The following NTRK2 variants were observed in gnomAD, a reference collection of about 807,000 sequenced individuals.
NTRK2 encodes BDNF/NT-3 growth factors receptor.
In NTRK2, 13 loss-of-function variants were observed where a neutral mutation model predicts 94.5. The ratio of observed to expected loss-of-function variants is 0.14; its 90% CI spans 0.09 to 0.22. The LOEUF is 0.22. NTRK2 is among the 10% of genes least tolerant of loss of function. NTRK2 has a pLI of 1.00. For missense variants in NTRK2, 639 were observed against 1,071.2 expected (o/e 0.60, Z 5.63); for synonymous variants, 372 against 407.4 (o/e 0.91, Z 1.05).
chr9:84,804,608 G>C (rs2070887652), intron 12 of NTRK2, among the ~76,000 whole-genome samples: 1 of 152,144 alleles, frequency 6.6e-6, no homozygotes. Flanking sequence ...CAGCACTCTG[G>C]CTTCATATAC....
intron 12 of NTRK2, among the ~76,000 whole-genome samples, chr9:84,809,377 G>A (rs1258763204): frequency 1.3e-5 from 2 of 148,884 alleles, no homozygotes; most frequent in Non-Finnish European, 3.0e-5. Flanking sequence ...ATTACTTAAT[G>A]TTAGATATTA....
At chr9:84,936,937 A>G (rs959703482) in intron 15 of NTRK2, among the ~76,000 whole-genome samples, 10 of 151,844 alleles carry the variant, frequency 6.6e-5, no homozygotes, top group African/African-American at 1.2e-4. Context: ...GTTTATTTCA[A>G]CTCTCTGGGA....
At chr9:84,691,743 C>T in intron 2 of NTRK2, among the ~76,000 whole-genome samples, 1 of 152,070 alleles carries the variant, frequency 6.6e-6, no homozygotes, top group East Asian at 1.9e-4. Flanking sequence ...GATTGAAATC[C>T]CAGAGTTCCA....
At chr9:84,981,542 T>G (rs1223340352) in intron 17 of NTRK2, among the ~76,000 whole-genome samples, 1 of 152,232 alleles carries the variant, frequency 6.6e-6, no homozygotes, top group Non-Finnish European at 1.5e-5. Context: ...TTTTTAATTT[T>G]GTTTTTGGAA....
chr9:84,752,853 A>G (rs951830517), intron 12 of NTRK2, among the ~76,000 whole-genome samples: 1 of 152,350 alleles, frequency 6.6e-6, no homozygotes, highest in East Asian at 1.9e-4. Context: ...GTGGTCTCCT[A>G]TAGATAGACA....
chr9:84,977,992 G>A (rs1307945516), intron 17 of NTRK2, among the ~76,000 whole-genome samples: 1 of 152,118 alleles, frequency 6.6e-6, no homozygotes, highest in East Asian at 1.9e-4. Flanking sequence ...CTTAATAATT[G>A]TGTGTGTATT....
intron 16 of NTRK2, 94 bp downstream of exon 16, chr9:84,948,728 C>A: frequency 8.9e-7 from 1 of 1,118,368 alleles, no homozygotes; most frequent in Non-Finnish European, 1.3e-6. Context: ...GACCCCTGGA[C>A]CTTTCTCGAA....
intron 12 of NTRK2, among the ~76,000 whole-genome samples, chr9:84,838,967 A>T (rs867465469): frequency 6.6e-6 from 1 of 152,066 alleles, no homozygotes; most frequent in African/African-American, 2.4e-5. Context: ...GAATGCCAAG[A>T]TGTGCACAAA....
intron 6 of NTRK2, among the ~76,000 whole-genome samples, chr9:84,714,562 G>A (rs964393402): frequency 6.6e-6 from 1 of 152,104 alleles, no homozygotes; most frequent in African/African-American, 2.4e-5. Context: ...TCTTTTGATG[G>A]TTTCCCAACT....
intron 12 of NTRK2, among the ~76,000 whole-genome samples, chr9:84,848,997 T>A (rs181115741): frequency 1.3e-5 from 2 of 152,358 alleles, no homozygotes; most frequent in East Asian, 3.9e-4. Context: ...CACACCTACA[T>A]ATGCTTTAGA....
intron 17 of NTRK2, among the ~76,000 whole-genome samples, chr9:84,982,818 T>C (rs1326553691): frequency 6.6e-6 from 1 of 152,198 alleles, no homozygotes; most frequent in Non-Finnish European, 1.5e-5. Flanking sequence ...TTCAAAGATA[T>C]GATATATCCC....
intron 14 of NTRK2, among the ~76,000 whole-genome samples, chr9:84,918,190 G>A (rs1014416171): frequency 1.3e-5 from 2 of 152,164 alleles, no homozygotes; most frequent in African/African-American, 4.8e-5. Context: ...TCACATAACA[G>A]GTGCTGGAAA....
chr9:85,020,195 T>C lies in NTRK2; in HGVS notation c.2173-11T>C, dbSNP rs201074050. The C allele has an allele frequency of 3.1e-6, 5 of 1,613,868 alleles. No individual in the cohort carries two copies. The highest frequency in any genetic ancestry group is 1.3e-5 in the African/African-American group (1 of 74,906). The stretch of plus-strand genomic sequence containing the variant: ...TGACTGATGCCTCCCTGTTGATCCC[T>C]TTCTCCCCAGGTCGGTGGCCACACA... On this transcript the variant is annotated splice_polypyrimidine_tract_variant and intron_variant, in intron 17 of 18. Transcript: ENST00000277120.
Position 84,948,560 on chromosome 9 carries a change from C to T in NTRK2, c.1863C>T (p.Gly621=), listed in dbSNP as rs771339882. 1.2e-5 allele frequency: 19 copies of T among 1,614,068 alleles called. No homozygotes were observed. The highest frequency in any genetic ancestry group is 2.2e-5 in the East Asian group (1 of 44,860). ...LQHEHIVKFY[G]VCVEGDPLIM... Reference sequence around the variant, plus strand: ...ATGAGCACATCGTCAAGTTCTATGGCGTCTGCGTGGAGGGCGACCCCCTCA... The same window carrying T: ...ATGAGCACATCGTCAAGTTCTATGGTGTCTGCGTGGAGGGCGACCCCCTCA... Residue 621 remains glycine (G), a synonymous_variant, in exon 16 of 19, where the codon GGC becomes GGT. Transcript: ENST00000277120.
At chr9:84,905,623 C>T (rs2077052216) in intron 14 of NTRK2, among the ~76,000 whole-genome samples, 2 of 152,096 alleles carry the variant, frequency 1.3e-5, no homozygotes, top group Non-Finnish European at 2.9e-5. Flanking sequence ...TGGCTAATGT[C>T]TACTAGATTG....
intron 12 of NTRK2, among the ~76,000 whole-genome samples, chr9:84,824,591 A>G (rs1420734619): frequency 6.6e-6 from 1 of 152,192 alleles, no homozygotes; most frequent in Non-Finnish European, 1.5e-5. Context: ...GCAGCCCTAA[A>G]TGGGCTCCCA....
intron 8 of NTRK2, among the ~76,000 whole-genome samples, chr9:84,725,429 TC>T (rs1220951523): frequency 6.6e-6 from 1 of 152,110 alleles, no homozygotes; most frequent in African/African-American, 2.4e-5. Flanking sequence ...CAACTGTATG[TC>T]CTTAAATCAG....
At chr9:84,738,347 C>T (rs760058930) in intron 9 of NTRK2, among the ~76,000 whole-genome samples, 2 of 147,930 alleles carry the variant, frequency 1.4e-5, no homozygotes, top group Non-Finnish European at 2.9e-5. Flanking sequence ...TGTCTTTCCT[C>T]AGTGACCTTT....
At chr9:84,998,103 A>C (rs1829959344) in intron 17 of NTRK2, among the ~76,000 whole-genome samples, 1 of 152,204 alleles carries the variant, frequency 6.6e-6, no homozygotes, top group Non-Finnish European at 1.5e-5. Context: ...TCAGCTTGGA[A>C]GTGTTGGGAT....
Sources: gnomAD v4.1 joint callset for allele counts (sites outside exome capture counted in the v4.1 genomes callset) on GRCh38, gnomAD v4.1.1 for gene constraint, MANE v1.5 for transcripts, NCBI Gene and HGNC (gene_info 2026-07-23, HGNC 2026-07-21) for gene names.